The following SRPK1 variants were observed in gnomAD, a reference collection of about 807,000 sequenced individuals.
SRPK1 encodes the protein SFRS protein kinase 1.
SRPK1 carries 52 observed loss-of-function variants against 89.5 expected under a neutral mutation model. That is an observed-to-expected ratio of 0.58 (90% CI 0.46 to 0.73). The LOEUF (loss-of-function observed/expected upper bound fraction) is 0.73, where lower values mean the gene tolerates loss of function less well. SRPK1 is among the 30% of genes least tolerant of loss of function. The pLI is 0.00. For synonymous variants in SRPK1, 255 were observed against 270.2 expected (o/e 0.94, Z 0.55); for missense variants, 603 against 780.6 (o/e 0.77, Z 2.71).
intron 5 of SRPK1, 149 bp from the exon 6 acceptor site, chr6:35,886,960 T>C (rs1308645269): frequency 5.1e-6 from 3 of 589,154 alleles, no homozygotes; most frequent in Non-Finnish European, 9.0e-6. Flanking sequence ...ATAGCTTTAA[T>C]GGAGAAAAAT....
chr6:35,894,619 G>A lies in SRPK1; in HGVS notation c.75-3606C>T, dbSNP rs537709202. ...AATTTTTAAATCCCAGTGTTAAGAA[G>A]ACTCTAAAGGCTTCTAGGTAAAAAA... On this transcript the variant is annotated intron_variant, in intron 2 of 15. Coordinates refer to ENST00000373825, the MANE Select transcript of SRPK1 (RefSeq NM_003137.5). Among the ~76,000 whole-genome samples, 341 of 152,160 alleles carry A rather than the reference G, an allele frequency of 2.2e-3. 3 individuals are homozygous for A. Among genetic ancestry groups the A allele is most frequent in the Non-Finnish European group, 3.9e-3 (266 of 68,008 alleles).
At chr6:35,917,698 T>C (rs2127272361) in intron 2 of SRPK1, among the ~76,000 whole-genome samples, 1 of 152,346 alleles carries the variant, frequency 6.6e-6, no homozygotes, top group South Asian at 2.1e-4. Flanking sequence ...ACCAGGGGAC[T>C]GAAAATCCCT....
chr6:35,882,143 T>C (rs1770308995), intron 6 of SRPK1, among the ~76,000 whole-genome samples: 1 of 148,420 alleles, frequency 6.7e-6, no homozygotes, highest in Non-Finnish European at 1.5e-5. Context: ...GTAGTAGTAG[T>C]AGTAGTAGTA....
chr6:35,856,634 C>A (rs1269380628), intron 13 of SRPK1, among the ~76,000 whole-genome samples: 1 of 152,066 alleles, frequency 6.6e-6, no homozygotes, highest in African/African-American at 2.4e-5. Flanking sequence ...GGGCTTACAA[C>A]ATAGAAGAGA....
At position 35,833,739 on chromosome 6, in the gene SRPK1, T is replaced by C. The variant is rs1227938295; in HGVS notation, c.*1565A>G. Reference sequence around the variant, plus strand: ...ACTTTTCCTTTGTCACTGTGGTGGATAAATGACAAAGTAGATTCCAATCTC... The same window carrying C: ...ACTTTTCCTTTGTCACTGTGGTGGACAAATGACAAAGTAGATTCCAATCTC... On this transcript the variant is annotated 3_prime_UTR_variant, in exon 16 of 16. Coordinates refer to ENST00000373825, the MANE Select transcript of SRPK1 (RefSeq NM_003137.5). 1 of 152,626 alleles carries C rather than the reference T, an allele frequency of 6.6e-6. No individual in the cohort carries two copies. The highest frequency in any genetic ancestry group is 1.5e-5 in the Non-Finnish European group (1 of 68,030). The allele number at this position is 152,626 out of a possible 1,614,324, so 9.5% of individuals were successfully genotyped here.
At chr6:35,876,085 T>TAAAAAAAAAAA (rs34493292) in intron 6 of SRPK1, among the ~76,000 whole-genome samples, 1 of 77,644 alleles carries the variant, frequency 1.3e-5, no homozygotes, top group Non-Finnish European at 2.4e-5. Flanking sequence ...ATTCTTAAAT[T>TAAAAAAAAAAA]AAAAAAAAAA....
intron 2 of SRPK1, chr6:35,920,065 C>G (rs896867165): frequency 2.2e-6 from 1 of 460,058 alleles, no homozygotes. Context: ...TAAGGCCTAC[C>G]GTGAAGACGT....
At chr6:35,842,393 T>C (rs1250862342) in intron 14 of SRPK1, 142 bp downstream of exon 14, 5 of 516,410 alleles carry the variant, frequency 9.7e-6, no homozygotes, top group African/African-American at 2.0e-5. Flanking sequence ...ATATAAAATG[T>C]CTTTTATATT....
Position 35,833,223 on chromosome 6 carries a change from G to C in SRPK1, c.*2081C>G, listed in dbSNP as rs1048179348. ...ATAAAGGTACATGGGGTACCTGGAA[G>C]ATCAAGATCTACAGCTGCCTATTTC... On this transcript the variant is annotated 3_prime_UTR_variant, in exon 16 of 16. Transcript: ENST00000373825. 8 of 152,616 alleles carry C rather than the reference G, an allele frequency of 5.2e-5. No homozygotes were observed. The highest frequency in any genetic ancestry group is 2.0e-4 in the Admixed American group (3 of 15,274). The allele number at this position is 152,616 out of a possible 1,614,324, so 9.5% of individuals were successfully genotyped here.
At chr6:35,904,840 AAAT>A (rs752541534) in intron 2 of SRPK1, 42 of 222,964 alleles carry the variant, frequency 1.9e-4, no homozygotes, top group Non-Finnish European at 3.0e-4. Flanking sequence ...AAAAAATAAA[AAAT>A]AAATAAAGTC....
Position 35,869,625 on chromosome 6 carries a change from T to G in SRPK1, c.1268A>C (p.Asp423Ala), listed in dbSNP as rs1769986903. 4 of 1,613,998 alleles carry G rather than the reference T, an allele frequency of 2.5e-6. No homozygotes were observed. The South Asian group carries it at 3.3e-5, about 13-fold the overall frequency. Residue 423 changes from aspartate to alanine, a missense_variant, in exon 11 of 16, where the codon GAC becomes GCC. By Grantham distance (126) the Asp-to-Ala change is moderately radical. Transcript: ENST00000373825. The stretch of plus-strand genomic sequence containing the variant: ...TGAGGAAGACTGGCACACCATGGTG[T>G]CTGACACCTCAGATGTTATAGGTGT... ...SCTPITSEVS[D>A]TMVCQSSSTV... is the part of the protein sequence containing the mutation.
intron 6 of SRPK1, among the ~76,000 whole-genome samples, chr6:35,885,204 C>T (rs928833803): frequency 6.8e-6 from 1 of 147,714 alleles, no homozygotes. Flanking sequence ...ATGGCCATCA[C>T]GACACCCTGT....
intron 6 of SRPK1, among the ~76,000 whole-genome samples, chr6:35,881,744 C>T (rs1329068754): frequency 6.6e-6 from 1 of 151,008 alleles, no homozygotes; most frequent in Admixed American, 6.6e-5. Flanking sequence ...TAAAAGACCA[C>T]CAAACTATAT....
In SRPK1 at chr6:35,839,720, G is replaced by A. The variant is rs186027930; in HGVS notation, c.1691-1291C>T. 5.4e-4 allele frequency among the ~76,000 whole-genome samples: 79 copies of A among 147,304 alleles called. 1 individual carries two copies. The highest frequency in any genetic ancestry group is 1.1e-3 in the South Asian group (5 of 4,652). ...TTTTGAGATGGAGTCTTGCTCTGTCGCCAGGCTGGAGTGCAATGGCATGAT... is the reference window on the plus strand; with the variant it reads ...TTTTGAGATGGAGTCTTGCTCTGTCACCAGGCTGGAGTGCAATGGCATGAT... On this transcript the variant is annotated intron_variant, in intron 14 of 15. Transcript: ENST00000373825.
chr6:35,911,916 T>A (rs919773250), intron 2 of SRPK1, among the ~76,000 whole-genome samples: 7 of 145,026 alleles, frequency 4.8e-5, no homozygotes, highest in African/African-American at 1.8e-4. Flanking sequence ...CATCATCGCA[T>A]ACTACAGAAA....
At chr6:35,859,898 A>G (rs938390928) in intron 12 of SRPK1, among the ~76,000 whole-genome samples, 4 of 149,678 alleles carry the variant, frequency 2.7e-5, no homozygotes, top group Admixed American at 1.3e-4. Context: ...TCGCTCTGTC[A>G]CCCAGGCTGG....
At position 35,842,531 on chromosome 6, in the gene SRPK1, T is replaced by A. The variant is rs746129472; in HGVS notation, c.1690+4A>T. On this transcript the variant is annotated splice_donor_region_variant and intron_variant, in intron 14 of 15. Transcript: ENST00000373825. Reference sequence around the variant, plus strand: ...CACACACATCCATGGTTAAGGGGACTCACCTTCATCTCGAGTGTACTCTTC... The same window carrying A: ...CACACACATCCATGGTTAAGGGGACACACCTTCATCTCGAGTGTACTCTTC... 4 of 1,609,592 alleles carry A rather than the reference T, an allele frequency of 2.5e-6. No homozygotes were observed. Among genetic ancestry groups the A allele is most frequent in the Non-Finnish European group, 2.5e-6 (3 of 1,177,840 alleles).
intron 6 of SRPK1, among the ~76,000 whole-genome samples, chr6:35,878,469 G>A (rs1202037451): frequency 6.6e-6 from 1 of 152,170 alleles, no homozygotes; most frequent in African/African-American, 2.4e-5. Flanking sequence ...AAACTCTGGA[G>A]TCTACTGAGG....
chr6:35,900,447 G>A (rs1770717352), intron 2 of SRPK1, among the ~76,000 whole-genome samples: 1 of 152,152 alleles, frequency 6.6e-6, no homozygotes. Context: ...CTAGGCACTG[G>A]GAATGCAGCT....
Sources: gnomAD v4.1 joint callset for allele counts (sites outside exome capture counted in the v4.1 genomes callset) on GRCh38, gnomAD v4.1.1 for gene constraint, MANE v1.5 for transcripts, NCBI Gene and HGNC (gene_info 2026-07-23, HGNC 2026-07-21) for gene names.